SCN11A: variants seen among roughly 807,000 people sequenced by gnomAD.
SCN11A encodes sodium channel protein type 11 subunit alpha.
A neutral mutation model predicts 162.2 loss-of-function variants in SCN11A; 122 were observed. That is an observed-to-expected ratio of 0.75 (90% confidence interval 0.65 to 0.87). SCN11A has a LOEUF of 0.87. Among genes scored for constraint, SCN11A ranks in the 40% least tolerant of loss-of-function variants. SCN11A has a pLI of 0.00. For synonymous variants in SCN11A, 758 were observed against 751.5 expected (o/e 1.01, Z -0.14); for missense variants, 2,015 against 2,181.6 (o/e 0.92, Z 1.52).
At chr3:39,010,539 C>T (rs1484674067) in intron 2 of SCN11A, among the ~76,000 whole-genome samples, 1 of 152,034 alleles carries the variant, frequency 6.6e-6, no homozygotes, top group Non-Finnish European at 1.5e-5. Context: ...CCACCATGCC[C>T]GGCTAATTTT....
rs188256552 is a variant in SCN11A, at chr3:39,024,383, A to C, written c.-280+7997T>G. On this transcript the variant is annotated intron_variant, in intron 2 of 29. Coordinates refer to ENST00000302328, the MANE Select transcript of SCN11A (RefSeq NM_001349253.2). The stretch of plus-strand genomic sequence containing the variant: ...GTATGGGGCAGGACCCTTTGGAATG[A>C]GGTTAGGTCTTATGACCTACTATCA... 1.1e-4 allele frequency among the ~76,000 whole-genome samples: 16 copies of C among 152,342 alleles called. No individual in the cohort carries two copies. In the East Asian group the frequency reaches 2.5e-3, roughly 24 times the overall value.
chr3:38,858,738 T>A (rs11916306), intron 28 of SCN11A, among the ~76,000 whole-genome samples: 5 of 152,062 alleles, frequency 3.3e-5, no homozygotes, highest in African/African-American at 7.2e-5. Flanking sequence ...TGGAGCATTC[T>A]CCATATCACA....
At chr3:38,893,818 T>C (rs926847983) in intron 19 of SCN11A, among the ~76,000 whole-genome samples, 16 of 151,676 alleles carry the variant, frequency 1.1e-4, no homozygotes, top group African/African-American at 3.9e-4. Flanking sequence ...AAAATATAAT[T>C]AAATATATAG....
At chr3:39,051,119 TG>T (rs1559587743) in intron 1 of SCN11A, among the ~76,000 whole-genome samples, 2 of 147,144 alleles carry the variant, frequency 1.4e-5, no homozygotes, top group South Asian at 2.2e-4. Context: ...CTTTTTGTCT[TG>T]TTTTTTTTTT....
In SCN11A at chr3:38,871,668, A is replaced by T. The variant is rs2065128499; in HGVS notation, c.3536T>A (p.Leu1179Gln). The T allele has an allele frequency of 6.2e-7, 1 of 1,612,482 alleles. No individual in the cohort carries two copies. The highest frequency in any genetic ancestry group is 8.5e-7 in the Non-Finnish European group (1 of 1,179,140). The stretch of plus-strand genomic sequence containing the variant: ...AATGAGGCAGACAAGCAAAACATTC[A>T]GAATGGCAGGTATGGCACCTATGAG... ...NALIGAIPAI[L>Q]NVLLVCLIFW... The change falls in exon 25 of 30, where the codon CTG becomes CAG. Residue 1179 changes from leucine to glutamine, a missense_variant. Leu to Gln is a moderately radical substitution (Grantham distance 113). Transcript: ENST00000302328.
chr3:38,909,646 G>C (rs1210021606), intron 12 of SCN11A, among the ~76,000 whole-genome samples: 1 of 144,778 alleles, frequency 6.9e-6, no homozygotes, highest in Non-Finnish European at 1.5e-5. Flanking sequence ...GCAGTGGTGT[G>C]ATCTCGGCTC....
At chr3:38,863,331 T>C (rs969789569) in intron 27 of SCN11A, 32 bp from the exon 28 acceptor site, 2 of 1,131,562 alleles carry the variant, frequency 1.8e-6, no homozygotes, top group Admixed American at 2.1e-5. Flanking sequence ...TAATTACCTT[T>C]AACAGTTTTT....
intron 16 of SCN11A, among the ~76,000 whole-genome samples, chr3:38,903,067 C>G (rs188971892): frequency 6.6e-6 from 1 of 151,892 alleles, no homozygotes; most frequent in Non-Finnish European, 1.5e-5. Context: ...AAAAATAAAA[C>G]AGCATTTATT....
chr3:39,049,393 T>C (rs1245660551), intron 1 of SCN11A, among the ~76,000 whole-genome samples: 1 of 152,282 alleles, frequency 6.6e-6, no homozygotes, highest in Non-Finnish European at 1.5e-5. Context: ...AATGATAGTG[T>C]CTAAAGCACT....
At chr3:38,898,054 T>C (rs2065635518) in intron 17 of SCN11A, among the ~76,000 whole-genome samples, 1 of 151,658 alleles carries the variant, frequency 6.6e-6, no homozygotes. Context: ...CTGGGCAACA[T>C]GGTGAAACCC....
At chr3:38,975,607 T>G (rs2066845326) in intron 2 of SCN11A, among the ~76,000 whole-genome samples, 1 of 152,234 alleles carries the variant, frequency 6.6e-6, no homozygotes, top group Non-Finnish European at 1.5e-5. Context: ...CTGAGCAAGT[T>G]GTTCAAGTGG....
At chr3:38,943,339 T>A (rs2066468717) in intron 7 of SCN11A, among the ~76,000 whole-genome samples, 2 of 152,184 alleles carry the variant, frequency 1.3e-5, no homozygotes, top group South Asian at 4.1e-4. Context: ...GGGGATTAAC[T>A]GCAAAGAGGC....
intron 19 of SCN11A, 51 bp downstream of exon 19, chr3:38,894,482 T>G: frequency 6.9e-7 from 1 of 1,450,896 alleles, no homozygotes; most frequent in Non-Finnish European, 9.4e-7. Flanking sequence ...CAGTGCCCTG[T>G]GATAACTCCA....
intron 22 of SCN11A, among the ~76,000 whole-genome samples, chr3:38,881,476 A>T (rs1160243832): frequency 6.6e-6 from 1 of 152,156 alleles, no homozygotes; most frequent in African/African-American, 2.4e-5. Flanking sequence ...TCAATGGATG[A>T]GCACGCTTAT....
chr3:38,863,227 T>A lies in SCN11A; in HGVS notation c.4024A>T (p.Lys1342Ter), dbSNP rs1553632596. The change falls in exon 28 of 30, where the codon AAA becomes TAA. Residue 1342 changes from lysine to a stop codon, truncating the protein, a stop_gained. Transcript: ENST00000302328. LOFTEE classifies it high-confidence loss of function. Reference protein sequence around the residue: ...YYNAMKKLGSKKPQKPIPRPL... With the variant: ...YYNAMKKLGS The stretch of plus-strand genomic sequence containing the variant: ...CGTGGAATGGGTTTTTGAGGTTTTT[T>A]GGATCCTAATTTTTTCATTGCATTA... The A allele has an allele frequency of 6.2e-7, 1 of 1,606,772 alleles. No individual in the cohort carries two copies. The highest frequency in any genetic ancestry group is 8.5e-7 in the Non-Finnish European group (1 of 1,173,560).
intron 18 of SCN11A, among the ~76,000 whole-genome samples, chr3:38,895,734 G>A (rs750246071): frequency 1.7e-4 from 26 of 151,948 alleles, no homozygotes; most frequent in Non-Finnish European, 3.2e-4. Flanking sequence ...CTTTGCTTAA[G>A]CTCTCCTCTA....
At position 38,934,123 on chromosome 3, in the gene SCN11A, T is replaced by A. The variant is rs570836789; in HGVS notation, c.489-7192A>T. Among the ~76,000 whole-genome samples the A allele has an allele frequency of 7.2e-5, 11 of 152,230 alleles. No homozygotes were observed. In the East Asian group the frequency reaches 2.1e-3, roughly 29 times the overall value. ...CCCAGAATTTCATATCCAGACAAAC[T>A]AAGCTTCATAAGTGAAGGAGAAATA... On this transcript the variant is annotated intron_variant, in intron 7 of 29. Transcript: ENST00000302328.
intron 1 of SCN11A, among the ~76,000 whole-genome samples, chr3:39,049,381 A>C (rs1220109971): frequency 6.6e-6 from 1 of 152,278 alleles, no homozygotes; most frequent in Non-Finnish European, 1.5e-5. Flanking sequence ...AGTGTTAGAG[A>C]AAATGATAGT....
intron 22 of SCN11A, 61 bp from the exon 23 acceptor site, chr3:38,880,184 C>A: frequency 7.8e-7 from 1 of 1,279,298 alleles, no homozygotes; most frequent in South Asian, 1.5e-5. Context: ...TCCTTGGTAA[C>A]TTTACTTTTT....
Sources: gnomAD v4.1 joint callset for allele counts (sites outside exome capture counted in the v4.1 genomes callset) on GRCh38, gnomAD v4.1.1 for gene constraint, MANE v1.5 for transcripts, NCBI Gene and HGNC (gene_info 2026-07-23, HGNC 2026-07-21) for gene names.